Variants in NOVA1 observed in about 807,000 individuals in gnomAD.
NOVA1 encodes NOVA alternative splicing regulator 1.
Under a neutral mutation model 38.0 loss-of-function variants are expected in NOVA1, and 7 were observed. The ratio of observed to expected loss-of-function variants is 0.18; its 90% confidence interval spans 0.10 to 0.35. The LOEUF (loss-of-function observed/expected upper bound fraction) is 0.35, where lower values mean the gene tolerates loss of function less well. Ranked by LOEUF, NOVA1 falls within the 10% of genes least tolerant of loss-of-function variation. The pLI is 1.00. For synonymous variants in NOVA1, 270 were observed against 232.5 expected (o/e 1.16, Z -1.47); for missense variants, 460 against 616.0 (o/e 0.75, Z 2.68).
intron 2 of NOVA1, among the ~76,000 whole-genome samples, chr14:26,575,827 A>C (rs1343009417): frequency 1.3e-5 from 2 of 151,970 alleles, no homozygotes; most frequent in Non-Finnish European, 2.9e-5. Flanking sequence ...TTTTCTGCTT[A>C]TGTGGAAAAT....
At chr14:26,595,588 A>G (rs2138829983) in intron 1 of NOVA1, 35 bp from the exon 2 acceptor site, 3 of 1,594,700 alleles carry the variant, frequency 1.9e-6, no homozygotes, top group Middle Eastern at 1.7e-4. Context: ...CGGTTAACAC[A>G]GTATTTCAAA....
chr14:26,531,947 A>G (rs978388504), intron 2 of NOVA1, among the ~76,000 whole-genome samples: 18 of 152,226 alleles, frequency 1.2e-4, no homozygotes, highest in African/African-American at 4.3e-4. Flanking sequence ...CAATGGTCAC[A>G]AAGCACATGA....
chr14:26,479,822 G>C (rs1885300842), intron 3 of NOVA1, 155 bp downstream of exon 3: 2 of 690,906 alleles, frequency 2.9e-6, no homozygotes, highest in South Asian at 4.6e-5. Context: ...CTAAGGATGA[G>C]ACCTTGATAG....
chr14:26,508,050 C>A (rs2138438120), intron 2 of NOVA1, among the ~76,000 whole-genome samples: 1 of 151,902 alleles, frequency 6.6e-6, no homozygotes, highest in East Asian at 1.9e-4. Context: ...ACAAAGAAAC[C>A]ATGTATTATA....
At chr14:26,559,981 TTGTA>T (rs1187072284) in intron 2 of NOVA1, among the ~76,000 whole-genome samples, 2 of 152,200 alleles carry the variant, frequency 1.3e-5, no homozygotes, top group East Asian at 3.9e-4. Flanking sequence ...ATATATTACA[TTGTA>T]TGTATTAAAT....
intron 2 of NOVA1, among the ~76,000 whole-genome samples, chr14:26,516,663 C>T (rs894112026): frequency 2.0e-5 from 3 of 152,148 alleles, no homozygotes; most frequent in African/African-American, 7.2e-5. Flanking sequence ...AAGGAACTGA[C>T]TATATATATT....
intron 2 of NOVA1, among the ~76,000 whole-genome samples, chr14:26,555,589 C>G (rs1891434484): frequency 6.6e-6 from 1 of 152,040 alleles, no homozygotes; most frequent in Non-Finnish European, 1.5e-5. Flanking sequence ...TCTACTTTCT[C>G]ACAGGATGTA....
chr14:26,470,178 A>T, intron 4 of NOVA1: 2 of 879,784 alleles, frequency 2.3e-6, no homozygotes, highest in Non-Finnish European at 2.9e-6. Context: ...AGTTCTTTTC[A>T]TTACAATTAG....
At chr14:26,539,111 T>C (rs1486122148) in intron 2 of NOVA1, among the ~76,000 whole-genome samples, 1 of 152,156 alleles carries the variant, frequency 6.6e-6, no homozygotes, top group Non-Finnish European at 1.5e-5. Context: ...TCTAAAATTC[T>C]CTATTTGGGT....
At chr14:26,464,933 T>C (rs1461200481) in intron 4 of NOVA1, among the ~76,000 whole-genome samples, 1 of 152,186 alleles carries the variant, frequency 6.6e-6, no homozygotes, top group Non-Finnish European at 1.5e-5. Flanking sequence ...AATTTTGATA[T>C]GTATATGATA....
At chr14:26,568,062 G>A (rs887047391) in intron 2 of NOVA1, among the ~76,000 whole-genome samples, 2 of 152,232 alleles carry the variant, frequency 1.3e-5, no homozygotes, top group East Asian at 3.9e-4. Flanking sequence ...GGAACTGCTG[G>A]GATCTTGGGA....
At chr14:26,517,067 G>A (rs1342744819) in intron 2 of NOVA1, among the ~76,000 whole-genome samples, 1 of 151,908 alleles carries the variant, frequency 6.6e-6, no homozygotes, top group South Asian at 2.1e-4. Context: ...CACCATGCCC[G>A]ACTAATTTTT....
At chr14:26,594,411 G>A (rs908457363) in intron 2 of NOVA1, 6 of 151,836 alleles carry the variant, frequency 4.0e-5, no homozygotes, top group African/African-American at 1.4e-4. Context: ...TTAGATCACT[G>A]AAAGCAAATC....
chr14:26,596,542 T>C lies in NOVA1; in HGVS notation c.136+759A>G, dbSNP rs773484688. On this transcript the variant is annotated intron_variant, in intron 1 of 4. Coordinates refer to ENST00000539517, the MANE Select transcript of NOVA1 (RefSeq NM_002515.3). ...GTGCCACTCAAAAGACCCCCATCCGTCTACAATGCATATGCTGGAGATAAA... is the reference window on the plus strand; with the variant it reads ...GTGCCACTCAAAAGACCCCCATCCGCCTACAATGCATATGCTGGAGATAAA... The C allele has an allele frequency of 2.3e-5, 29 of 1,288,878 alleles. No individual in the cohort carries two copies. In the African/African-American group the frequency reaches 3.5e-4, roughly 16 times the overall value. 79.8% of individuals were successfully genotyped at this position (1,288,878 alleles called of 1,614,324 possible).
intron 2 of NOVA1, among the ~76,000 whole-genome samples, chr14:26,499,751 C>T (rs1377710668): frequency 6.6e-6 from 1 of 152,038 alleles, no homozygotes; most frequent in South Asian, 2.1e-4. Flanking sequence ...TGTTATATGG[C>T]TATGGCATGA....
intron 4 of NOVA1, among the ~76,000 whole-genome samples, chr14:26,456,613 T>C (rs1883198104): frequency 6.6e-6 from 1 of 152,000 alleles, no homozygotes; most frequent in Non-Finnish European, 1.5e-5. Flanking sequence ...ATTATCTTTT[T>C]CTTTTTTAAA....
intron 2 of NOVA1, among the ~76,000 whole-genome samples, chr14:26,536,891 T>G (rs1391685404): frequency 6.6e-6 from 1 of 152,076 alleles, no homozygotes; most frequent in South Asian, 2.1e-4. Flanking sequence ...ATTAGAACAT[T>G]TCATAAACAC....
intron 2 of NOVA1, among the ~76,000 whole-genome samples, chr14:26,554,125 G>A (rs1270426375): frequency 2.9e-5 from 4 of 138,836 alleles, no homozygotes; most frequent in African/African-American, 1.1e-4. Context: ...TTCCAGCACG[G>A]GTGAAAAAAA....
At chr14:26,550,198 G>A (rs1414056514) in intron 2 of NOVA1, among the ~76,000 whole-genome samples, 2 of 152,030 alleles carry the variant, frequency 1.3e-5, no homozygotes, top group Non-Finnish European at 2.9e-5. Flanking sequence ...TCTTTATTCT[G>A]CTCAGCTAAT....
Sources: gnomAD v4.1 joint callset for allele counts (sites outside exome capture counted in the v4.1 genomes callset) on GRCh38, gnomAD v4.1.1 for gene constraint, MANE v1.5 for transcripts, NCBI Gene and HGNC (gene_info 2026-07-23, HGNC 2026-07-21) for gene names.